AK5: variants seen among roughly 807,000 people sequenced by gnomAD.
The protein encoded by AK5 is adenylate kinase 5.
In AK5, 27 loss-of-function variants were observed where a neutral mutation model predicts 69.5. The ratio of observed to expected loss-of-function variants is 0.39; its 90% CI spans 0.29 to 0.54. The LOEUF is 0.54. AK5 is among the 20% of genes least tolerant of loss of function. The pLI is 0.71. For missense variants in AK5, 531 were observed against 700.4 expected (o/e 0.76, Z 2.73); for synonymous variants, 260 against 244.4 (o/e 1.06, Z -0.60).
At chr1:77,499,524 G>T (rs374640674) in intron 10 of AK5, among the ~76,000 whole-genome samples, 6 of 152,122 alleles carry the variant, frequency 3.9e-5, no homozygotes, top group African/African-American at 1.4e-4. Context: ...ACCTATTTGG[G>T]CCAGTTGCGT....
At chr1:77,363,546 T>C (rs1646901339) in intron 6 of AK5, among the ~76,000 whole-genome samples, 1 of 152,214 alleles carries the variant, frequency 6.6e-6, no homozygotes, top group South Asian at 2.1e-4. Context: ...TCCAAAGTCA[T>C]TCCCATGTCC....
chr1:77,409,888 A>G (rs1031637320), intron 6 of AK5, among the ~76,000 whole-genome samples: 1 of 152,068 alleles, frequency 6.6e-6, no homozygotes, highest in South Asian at 2.1e-4. Context: ...TACATCTAAG[A>G]CTTTAATCTA....
chr1:77,538,603 TCA>T (rs1659109956), intron 13 of AK5, among the ~76,000 whole-genome samples: 1 of 150,690 alleles, frequency 6.6e-6, no homozygotes, highest in Non-Finnish European at 1.5e-5. Context: ...TGAGCTGAAA[TCA>T]CACCACTGCA....
intron 6 of AK5, among the ~76,000 whole-genome samples, chr1:77,402,751 A>C (rs1383974784): frequency 6.6e-5 from 10 of 152,060 alleles, no homozygotes; most frequent in African/African-American, 2.2e-4. Flanking sequence ...TGCCGCAATA[A>C]ACATACGTGT....
chr1:77,282,210 C>G lies in AK5; in HGVS notation c.-104C>G. 1.8e-6 allele frequency: 2 copies of G among 1,114,602 alleles called. No homozygotes were observed. The highest frequency in any genetic ancestry group is 1.6e-5 in the South Asian group (1 of 61,470). 69.0% of individuals were successfully genotyped at this position (1,114,602 alleles called of 1,614,324 possible). A position where few individuals can be genotyped will look rare whatever the true frequency, so the allele number is the denominator to read the frequency against. On this transcript the variant is annotated 5_prime_UTR_variant, in exon 1 of 14. Coordinates refer to ENST00000354567, the MANE Select transcript of AK5 (RefSeq NM_174858.3). ...GTGCGCGTGAGAAAGAGGGCTGCAC[C>G]GCTGCTCGGCGCGGACTCTGCCAGC...
intron 10 of AK5, among the ~76,000 whole-genome samples, chr1:77,503,329 A>G (rs912079903): frequency 6.8e-6 from 1 of 147,282 alleles, no homozygotes; most frequent in African/African-American, 2.5e-5. Flanking sequence ...GGATTGTTTT[A>G]AATTAGATAT....
intron 8 of AK5, among the ~76,000 whole-genome samples, chr1:77,420,711 T>C (rs1042942419): frequency 7.9e-5 from 12 of 152,308 alleles, no homozygotes; most frequent in African/African-American, 2.2e-4. Flanking sequence ...TTCTCCACTT[T>C]CCCCACTCCA....
chr1:77,286,000 G>A (rs1459454818), intron 1 of AK5, among the ~76,000 whole-genome samples: 1 of 152,018 alleles, frequency 6.6e-6, no homozygotes, highest in African/African-American at 2.4e-5. Flanking sequence ...ATAACCGAAT[G>A]GTTTCAGTAT....
At chr1:77,392,702 G>A (rs1255208787) in intron 6 of AK5, among the ~76,000 whole-genome samples, 2 of 151,610 alleles carry the variant, frequency 1.3e-5, no homozygotes, top group Admixed American at 6.6e-5. Flanking sequence ...TGACAAGACC[G>A]CTAAGTAGGT....
At chr1:77,418,196 T>C (rs1025738541) in intron 8 of AK5, among the ~76,000 whole-genome samples, 1 of 152,152 alleles carries the variant, frequency 6.6e-6, no homozygotes, top group Non-Finnish European at 1.5e-5. Context: ...TGGGGAGACC[T>C]CACAATCATG....
rs376887048 is a variant in AK5, at chr1:77,521,820, G to C, written c.1312-7G>C. On this transcript the variant is annotated splice_polypyrimidine_tract_variant and splice_region_variant and intron_variant, in intron 11 of 13. Transcript: ENST00000354567. Reference sequence around the variant, plus strand: ...CTCAGGTCCTGACCACTCTCGCTTTGCTCCAGGGCATCGTTTTGGAGCTCC... The same window carrying C: ...CTCAGGTCCTGACCACTCTCGCTTTCCTCCAGGGCATCGTTTTGGAGCTCC... The C allele has an allele frequency of 2.5e-6, 4 of 1,611,080 alleles. No homozygotes were observed. The highest frequency in any genetic ancestry group is 2.7e-5 in the African/African-American group (2 of 74,918).
intron 5 of AK5, among the ~76,000 whole-genome samples, chr1:77,337,984 GAC>G (rs1661456234): frequency 7.6e-6 from 1 of 131,744 alleles, no homozygotes; most frequent in African/African-American, 2.8e-5. Context: ...TTTTTTTTGA[GAC>G]AGAGTCTTGC....
At chr1:77,497,943 CAA>C (rs68104930) in intron 10 of AK5, among the ~76,000 whole-genome samples, 84,636 of 151,528 alleles carry the variant, frequency 0.56, 25,077 homozygotes, top group Non-Finnish European at 0.67. Context: ...GTACATTAAA[CAA>C]GAGATTTTTC....
intron 10 of AK5, among the ~76,000 whole-genome samples, chr1:77,497,286 G>A (rs747260192): frequency 6.6e-6 from 1 of 151,960 alleles, no homozygotes; most frequent in South Asian, 2.1e-4. Context: ...AACAACTCTG[G>A]ATGTGCCACC....
chr1:77,327,897 T>G (rs1660888134), intron 5 of AK5, among the ~76,000 whole-genome samples: 1 of 152,170 alleles, frequency 6.6e-6, no homozygotes, highest in Admixed American at 6.5e-5. Flanking sequence ...CCATCCAGTC[T>G]GCTGCCTGCA....
At chr1:77,445,993 A>G (rs1652728782) in intron 8 of AK5, among the ~76,000 whole-genome samples, 1 of 152,238 alleles carries the variant, frequency 6.6e-6, no homozygotes, top group African/African-American at 2.4e-5. Flanking sequence ...GTAATACACA[A>G]TAAATCATTG....
At chr1:77,358,018 T>TGTGTGTGTGTGAGAGAGAGAGAGAGA (rs762714026) in intron 6 of AK5, among the ~76,000 whole-genome samples, 1 of 128,178 alleles carries the variant, frequency 7.8e-6, no homozygotes, top group African/African-American at 2.8e-5. Context: ...TGTGTGTGTG[T>TGTGTGTGTGTGAGAGAGAGAGAGAGA]GAGAGAGAGA....
intron 3 of AK5, among the ~76,000 whole-genome samples, chr1:77,294,493 GA>G (rs1658875938): frequency 6.6e-6 from 1 of 152,020 alleles, no homozygotes; most frequent in Non-Finnish European, 1.5e-5. Context: ...ATTAACTTTA[GA>G]GGGAAAAATA....
intron 13 of AK5, among the ~76,000 whole-genome samples, chr1:77,540,915 T>C (rs1659233790): frequency 6.6e-6 from 1 of 150,456 alleles, no homozygotes; most frequent in Non-Finnish European, 1.5e-5. Flanking sequence ...GTTTGTTTCT[T>C]TTTTTTTTAG....
Sources: gnomAD v4.1 joint callset for allele counts (sites outside exome capture counted in the v4.1 genomes callset) on GRCh38, gnomAD v4.1.1 for gene constraint, MANE v1.5 for transcripts, NCBI Gene and HGNC (gene_info 2026-07-23, HGNC 2026-07-21) for gene names.